HCRTR2: variants seen among roughly 807,000 people sequenced by gnomAD.
The protein encoded by HCRTR2 is orexin receptor type 2.
HCRTR2 carries 22 observed loss-of-function variants against 49.0 expected under a neutral mutation model. The observed-to-expected ratio is 0.45, with a 90% CI of 0.32 to 0.64. The LOEUF (loss-of-function observed/expected upper bound fraction) is 0.64. Among genes scored for constraint, HCRTR2 ranks in the 30% least tolerant of loss-of-function variants. The probability of loss-of-function intolerance (pLI) is 0.04; values close to 1 mark genes in which losing one functional copy is unlikely to be tolerated. For missense variants in HCRTR2, 491 were observed against 559.4 expected, an observed-to-expected ratio of 0.88 and a Z score of 1.23; for synonymous variants, 236 against 205.3, an observed-to-expected ratio of 1.15 and a Z score of -1.28.
intron 3 of HCRTR2, among the ~76,000 whole-genome samples, chr6:55,260,854 T>C (rs1173321152): frequency 6.6e-6 from 1 of 152,214 alleles, no homozygotes; most frequent in Admixed American, 6.5e-5. Context: ...TATTGATTAA[T>C]CCTGACTGTA....
intron 4 of HCRTR2, among the ~76,000 whole-genome samples, chr6:55,275,542 A>C (rs1467426418): frequency 2.2e-5 from 3 of 135,334 alleles, no homozygotes; most frequent in African/African-American, 7.9e-5. Context: ...ATTATCTAAA[A>C]AGGGCATCAC....
At chr6:55,185,110 TA>T (rs1424339144) in intron 1 of HCRTR2, among the ~76,000 whole-genome samples, 1 of 152,220 alleles carries the variant, frequency 6.6e-6, no homozygotes, top group African/African-American at 2.4e-5. Flanking sequence ...AACTTTTTAT[TA>T]TTAAAAATAG....
intron 1 of HCRTR2, among the ~76,000 whole-genome samples, chr6:55,184,297 T>C (rs1765181415): frequency 6.6e-6 from 1 of 152,226 alleles, no homozygotes. Context: ...TTGCATGCCA[T>C]AGGTCTATTA....
intron 1 of HCRTR2, among the ~76,000 whole-genome samples, chr6:55,145,176 GATATGTCA>G: frequency 6.6e-6 from 1 of 152,182 alleles, no homozygotes; most frequent in Non-Finnish European, 1.5e-5. Context: ...TTCATATTCT[GATATGTCA>G]ATTGTGTAAC....
intron 1 of HCRTR2, among the ~76,000 whole-genome samples, chr6:55,145,567 T>C (rs539902911): frequency 6.6e-5 from 10 of 152,074 alleles, no homozygotes; most frequent in East Asian, 3.9e-4. Flanking sequence ...CCCGCCACCG[T>C]GCCTGGCTAA....
chr6:55,190,455 A>G (rs1765297473), intron 1 of HCRTR2, among the ~76,000 whole-genome samples: 1 of 152,172 alleles, frequency 6.6e-6, no homozygotes, highest in African/African-American at 2.4e-5. Context: ...TTTTGATCAT[A>G]CTAAATTTGA....
intron 1 of HCRTR2, among the ~76,000 whole-genome samples, chr6:55,226,313 A>AT (rs1215325748): frequency 9.2e-5 from 14 of 151,808 alleles, no homozygotes; most frequent in Admixed American, 2.6e-4. Context: ...TGAAACTGCA[A>AT]TTTTTTTTCT....
chr6:55,131,145 T>A (rs138698361), intron 1 of HCRTR2, among the ~76,000 whole-genome samples: 8 of 151,958 alleles, frequency 5.3e-5, no homozygotes, highest in Admixed American at 1.3e-4. Context: ...TTTTCTGCAA[T>A]TAAAGATCTT....
intron 1 of HCRTR2, among the ~76,000 whole-genome samples, chr6:55,143,805 G>A (rs556778453): frequency 6.6e-6 from 1 of 152,314 alleles, no homozygotes; most frequent in Non-Finnish European, 1.5e-5. Context: ...ACTGTGGGTA[G>A]AGCCAAAATA....
chr6:55,163,096 C>G (rs757697402), intron 1 of HCRTR2, among the ~76,000 whole-genome samples: 1 of 151,902 alleles, frequency 6.6e-6, no homozygotes, highest in Non-Finnish European at 1.5e-5. Flanking sequence ...ATTAGCCGGG[C>G]GTGGTGGCAG....
At chr6:55,141,720 C>A (rs1213613603) in intron 1 of HCRTR2, among the ~76,000 whole-genome samples, 1 of 151,846 alleles carries the variant, frequency 6.6e-6, no homozygotes, top group Non-Finnish European at 1.5e-5. Context: ...AGAGAACAAA[C>A]AATACAACTG....
intron 4 of HCRTR2, chr6:55,264,067 T>G (rs1373187641): frequency 2.2e-6 from 1 of 449,892 alleles, no homozygotes; most frequent in Non-Finnish European, 4.0e-6. Context: ...GAAATGTATT[T>G]TATAAACTGA....
intron 1 of HCRTR2, among the ~76,000 whole-genome samples, chr6:55,193,741 A>G: frequency 6.6e-6 from 1 of 152,144 alleles, no homozygotes; most frequent in South Asian, 2.1e-4. Flanking sequence ...CTTTTAGTTG[A>G]TTTAAAAAAA....
intron 6 of HCRTR2, 89 bp downstream of exon 6, chr6:55,280,533 T>A (rs1490675843): frequency 1.9e-6 from 3 of 1,561,850 alleles, no homozygotes; most frequent in Non-Finnish European, 2.6e-6. Context: ...AGGAGTTTAG[T>A]TGCTATGTGA....
At chr6:55,108,935 C>T (rs1214913465) in intron 1 of HCRTR2, among the ~76,000 whole-genome samples, 1 of 152,106 alleles carries the variant, frequency 6.6e-6, no homozygotes, top group East Asian at 1.9e-4. Context: ...GTTCCCAGCT[C>T]CACTCACTGG....
intron 1 of HCRTR2, among the ~76,000 whole-genome samples, chr6:55,159,068 T>C (rs1416333692): frequency 1.3e-5 from 2 of 151,984 alleles, no homozygotes; most frequent in Non-Finnish European, 2.9e-5. Context: ...CCGGCTGGTA[T>C]CTGGTGGGTG....
At chr6:55,244,531 G>A (rs1766394588) in intron 1 of HCRTR2, among the ~76,000 whole-genome samples, 2 of 152,124 alleles carry the variant, frequency 1.3e-5, no homozygotes, top group South Asian at 4.1e-4. Flanking sequence ...TAATTAATGG[G>A]AGAAAATGGA....
intron 1 of HCRTR2, among the ~76,000 whole-genome samples, chr6:55,158,666 TCA>T (rs1436188315): frequency 1.3e-5 from 2 of 152,146 alleles, no homozygotes; most frequent in African/African-American, 4.8e-5. Context: ...AGTTTTCCCC[TCA>T]CAGTGTAAAC....
upstream of HCRTR2, chr6:55,174,450 G>A (rs1265377571): frequency 1.3e-6 from 1 of 784,678 alleles, no homozygotes; most frequent in Non-Finnish European, 2.2e-6. Context: ...CATTGGCTCA[G>A]TAACTTTTCA....
Sources: allele counts gnomAD v4.1 joint callset (sites outside exome capture counted in the v4.1 genomes callset), GRCh38; gene constraint gnomAD v4.1.1; transcripts MANE v1.5; gene names NCBI Gene and HGNC (gene_info 2026-07-23, HGNC 2026-07-21).